Variants in PTPRD observed in about 807,000 individuals in gnomAD.
PTPRD encodes the protein receptor-type tyrosine-protein phosphatase delta.
A neutral mutation model predicts 214.5 loss-of-function variants in PTPRD; 34 were observed. The observed-to-expected ratio is 0.16, with a 90% confidence interval of 0.12 to 0.21. PTPRD has a LOEUF of 0.21. Among genes scored for constraint, PTPRD ranks in the 10% least tolerant of loss-of-function variants. PTPRD has a pLI of 1.00. For missense variants in PTPRD, 2,545 were observed against 2,398.7 expected (o/e 1.06, Z -1.27); for synonymous variants, 1,128 against 845.7 (o/e 1.33, Z -5.79).
chr9:8,835,266 G>C (rs924725857), intron 11 of PTPRD, among the ~76,000 whole-genome samples: 1 of 152,212 alleles, frequency 6.6e-6, no homozygotes, highest in Non-Finnish European at 1.5e-5. Context: ...TGCATTTCAG[G>C]TGCGTGGGCA....
intron 2 of PTPRD, among the ~76,000 whole-genome samples, chr9:10,570,975 A>T (rs1203257209): frequency 2.0e-5 from 3 of 151,616 alleles, no homozygotes; most frequent in African/African-American, 7.3e-5. Context: ...CCTCAAACCC[A>T]TAACAGTGTG....
intron 39 of PTPRD, among the ~76,000 whole-genome samples, chr9:8,346,703 A>C (rs1437842972): frequency 1.3e-5 from 2 of 152,108 alleles, no homozygotes. Context: ...TGATGGCCCC[A>C]AAGTGCAAGA....
At chr9:9,429,740 G>T (rs61856493) in intron 8 of PTPRD, among the ~76,000 whole-genome samples, 2 of 152,142 alleles carry the variant, frequency 1.3e-5, no homozygotes, top group African/African-American at 2.4e-5. Flanking sequence ...TGCAATGCTG[G>T]TTCAACATAC....
chr9:9,324,705 A>G, intron 9 of PTPRD, among the ~76,000 whole-genome samples: 1 of 151,848 alleles, frequency 6.6e-6, no homozygotes, highest in Non-Finnish European at 1.5e-5. Flanking sequence ...ATTCGATCCC[A>G]TTTGTCTATT....
intron 7 of PTPRD, among the ~76,000 whole-genome samples, chr9:9,619,968 T>C (rs1173862796): frequency 2.6e-5 from 4 of 151,588 alleles, no homozygotes; most frequent in African/African-American, 9.7e-5. Context: ...TCTCCACATA[T>C]ATATGGAGAA....
chr9:9,873,184 T>C (rs778037807), intron 5 of PTPRD, among the ~76,000 whole-genome samples: 2 of 152,226 alleles, frequency 1.3e-5, no homozygotes, highest in East Asian at 3.9e-4. Context: ...TCATCACCAA[T>C]GTATTGGGAA....
At chr9:10,426,004 C>A (rs1329455298) in intron 2 of PTPRD, among the ~76,000 whole-genome samples, 1 of 151,840 alleles carries the variant, frequency 6.6e-6, no homozygotes, top group Non-Finnish European at 1.5e-5. Context: ...AGTATATATA[C>A]ATACATACAC....
chr9:9,273,072 T>A (rs1295955143), intron 9 of PTPRD, among the ~76,000 whole-genome samples: 1 of 151,294 alleles, frequency 6.6e-6, no homozygotes, highest in African/African-American at 2.4e-5. Context: ...AGTGGCAAAT[T>A]TGAATTTGAG....
chr9:9,091,554 A>G (rs1173953819), intron 10 of PTPRD, among the ~76,000 whole-genome samples: 1 of 152,158 alleles, frequency 6.6e-6, no homozygotes, highest in Non-Finnish European at 1.5e-5. Flanking sequence ...CAACTCTTAA[A>G]ACTCCTTTTC....
At chr9:8,362,713 T>G (rs2078817280) in intron 39 of PTPRD, among the ~76,000 whole-genome samples, 2 of 152,256 alleles carry the variant, frequency 1.3e-5, no homozygotes, top group Non-Finnish European at 2.9e-5. Flanking sequence ...ATTTAATCTA[T>G]CTGATTTTAT....
intron 2 of PTPRD, among the ~76,000 whole-genome samples, chr9:10,581,493 T>C (rs1481026636): frequency 6.6e-6 from 1 of 152,162 alleles, no homozygotes; most frequent in Non-Finnish European, 1.5e-5. Context: ...GCAAACACTT[T>C]TCAAAAAGTT....
chr9:9,674,625 G>A (rs1037304029), intron 7 of PTPRD, among the ~76,000 whole-genome samples: 1 of 151,586 alleles, frequency 6.6e-6, no homozygotes, highest in Non-Finnish European at 1.5e-5. Context: ...AAATAAACAA[G>A]CCAAATACAT....
chr9:10,600,463 G>A (rs1207998756), intron 2 of PTPRD, among the ~76,000 whole-genome samples: 3 of 151,694 alleles, frequency 2.0e-5, no homozygotes, highest in Admixed American at 2.0e-4. Flanking sequence ...ACAGATGTTA[G>A]AGCAACATCT....
At chr9:8,601,386 C>G (rs781285970) in intron 14 of PTPRD, among the ~76,000 whole-genome samples, 3 of 152,140 alleles carry the variant, frequency 2.0e-5, no homozygotes, top group Non-Finnish European at 2.9e-5. Context: ...TGGCCTTGAG[C>G]AAACATAGAT....
In PTPRD at chr9:8,712,263, T is replaced by C. The variant is rs543754560; in HGVS notation, c.64+21517A>G. ...GTCTTTTGGCTGGATATTGTAAGAG[T>C]AAAGACAGCCTGTATCAACAGTATT... is the stretch of plus-strand genomic sequence containing the variant. On this transcript the variant is annotated intron_variant, in intron 12 of 45. Transcript: ENST00000381196. 9.5e-4 allele frequency among the ~76,000 whole-genome samples: 144 copies of C among 152,304 alleles called. 1 individual carries two copies. The highest frequency in any genetic ancestry group is 3.4e-3 in the African/African-American group (140 of 41,560).
intron 8 of PTPRD, among the ~76,000 whole-genome samples, chr9:9,486,638 C>G (rs2095650479): frequency 6.6e-6 from 1 of 152,018 alleles, no homozygotes; most frequent in African/African-American, 2.4e-5. Context: ...AAACCATATT[C>G]CGTCTACAAA....
intron 9 of PTPRD, among the ~76,000 whole-genome samples, chr9:9,336,706 T>C (rs1410769649): frequency 6.6e-6 from 1 of 152,218 alleles, no homozygotes; most frequent in Non-Finnish European, 1.5e-5. Context: ...ATATATTATA[T>C]AACTGCTTTA....
chr9:9,646,312 T>G (rs557037549), intron 7 of PTPRD, among the ~76,000 whole-genome samples: 99 of 143,840 alleles, frequency 6.9e-4, no homozygotes, highest in African/African-American at 2.1e-3. Context: ...GGTGTGTGTG[T>G]GTGTGGGTGT....
intron 6 of PTPRD, among the ~76,000 whole-genome samples, chr9:9,742,637 C>A (rs1411300931): frequency 6.7e-6 from 1 of 149,862 alleles, no homozygotes; most frequent in African/African-American, 2.4e-5. Flanking sequence ...CTTTATCAAC[C>A]TTAAAAAAAA....
Sources: allele counts gnomAD v4.1 joint callset (sites outside exome capture counted in the v4.1 genomes callset), GRCh38; gene constraint gnomAD v4.1.1; transcripts MANE v1.5; gene names NCBI Gene and HGNC (gene_info 2026-07-23, HGNC 2026-07-21).